TRAF1: variants seen among roughly 807,000 people sequenced by gnomAD.
TRAF1 encodes the protein TNF receptor-associated factor 1.
TRAF1 carries 23 observed loss-of-function variants against 40.9 expected under a neutral mutation model. The ratio of observed to expected loss-of-function variants is 0.56; its 90% confidence interval spans 0.40 to 0.80. The LOEUF (loss-of-function observed/expected upper bound fraction) is 0.80, where lower values mean the gene tolerates loss of function less well. TRAF1 is among the 30% of genes least tolerant of loss of function. The pLI is 0.00. For missense variants in TRAF1, 477 were observed against 528.7 expected (o/e 0.90, Z 0.96); for synonymous variants, 206 against 218.8 (o/e 0.94, Z 0.52).
Position 120,905,047 on chromosome 9 carries a change from G to A in TRAF1, c.1224C>T (p.Leu408=), listed in dbSNP as rs952204196. 2 of 1,614,214 alleles carry A rather than the reference G, an allele frequency of 1.2e-6. No individual in the cohort carries two copies. Among genetic ancestry groups the A allele is most frequent in the Non-Finnish European group, 1.7e-6 (2 of 1,180,032 alleles). ...HAYVKDDTMF[L]KCIVETST Reference sequence around the variant, plus strand: ...AAGTGCTGGTCTCCACAATGCACTTGAGGAACATTGTGTCGTCCTTCACGT... The same window carrying A: ...AAGTGCTGGTCTCCACAATGCACTTAAGGAACATTGTGTCGTCCTTCACGT... Residue 408 remains leucine, a synonymous_variant, in exon 8 of 8, where the codon CTC becomes CTT. Coordinates refer to ENST00000373887, the MANE Select transcript of TRAF1 (RefSeq NM_005658.5).
At chr9:120,908,263 G>A (rs1010637635) in intron 7 of TRAF1, among the ~76,000 whole-genome samples, 1 of 152,090 alleles carries the variant, frequency 6.6e-6, no homozygotes, top group African/African-American at 2.4e-5. Context: ...GTAAAAGACA[G>A]GATGGATTTA....
At chr9:120,906,612 A>G (rs1041835206) in intron 7 of TRAF1, among the ~76,000 whole-genome samples, 3 of 152,140 alleles carry the variant, frequency 2.0e-5, no homozygotes, top group African/African-American at 7.2e-5. Context: ...CATCCCCACC[A>G]GAGTGGTAGT....
rs1240786032 is a variant in TRAF1, at chr9:120,926,763, C to A, written c.-440G>T. On this transcript the variant is annotated 5_prime_UTR_variant, in exon 1 of 8. Coordinates refer to ENST00000373887, the MANE Select transcript of TRAF1 (RefSeq NM_005658.5). ...GACCCTATCTTGCCTGGGACTGAGG[C>A]AACCAGAAGGAGCAGGAAAGCCCTG... 6.6e-6 allele frequency: 1 copy of A among 152,130 alleles called. No individual in the cohort carries two copies. The highest frequency in any genetic ancestry group is 1.9e-4 in the East Asian group (1 of 5,192). 9.4% of individuals were successfully genotyped at this position (152,130 alleles called of 1,614,324 possible).
chr9:120,912,648 T>C (rs2046536559), intron 5 of TRAF1, among the ~76,000 whole-genome samples: 1 of 149,070 alleles, frequency 6.7e-6, no homozygotes, highest in African/African-American at 2.5e-5. Context: ...AGAGCAATAC[T>C]CTGTCTCAAA....
rs184529432 is a variant in TRAF1, at chr9:120,906,660, A to G, written c.1033-1422T>C. Among the ~76,000 whole-genome samples the G allele has an allele frequency of 2.0e-4, 30 of 152,274 alleles. No individual in the cohort carries two copies. The East Asian group carries it at 5.2e-3, about 26-fold the overall frequency. ...GATGAAGCTGCATTGACACATAATT[A>G]TCACCCAGAGTCCACAGTTTACATT... On this transcript the variant is annotated intron_variant, in intron 7 of 7. Coordinates refer to ENST00000373887, the MANE Select transcript of TRAF1 (RefSeq NM_005658.5).
At chr9:120,925,361 A>G (rs2046632267) in intron 2 of TRAF1, among the ~76,000 whole-genome samples, 1 of 152,346 alleles carries the variant, frequency 6.6e-6, no homozygotes, top group South Asian at 2.1e-4. Flanking sequence ...GATGTCCACA[A>G]TAGTACTGAT....
chr9:120,905,876 C>A (rs1445115506), intron 7 of TRAF1, among the ~76,000 whole-genome samples: 2 of 152,228 alleles, frequency 1.3e-5, no homozygotes, highest in Non-Finnish European at 2.9e-5. Context: ...ACTGAAGCAT[C>A]CTCACCCTGC....
chr9:120,906,779 T>C (rs757535371), intron 7 of TRAF1, among the ~76,000 whole-genome samples: 2 of 152,204 alleles, frequency 1.3e-5, no homozygotes, highest in Non-Finnish European at 2.9e-5. Context: ...ATAGTTTCAC[T>C]GCTCCCAAAA....
At chr9:120,912,740 T>C (rs2046537723) in intron 5 of TRAF1, among the ~76,000 whole-genome samples, 1 of 152,086 alleles carries the variant, frequency 6.6e-6, no homozygotes, top group African/African-American at 2.4e-5. Context: ...CCAAGAACTG[T>C]GGCCAAGTGG....
At chr9:120,910,206 G>A (rs187383790) in intron 6 of TRAF1, among the ~76,000 whole-genome samples, 11 of 152,266 alleles carry the variant, frequency 7.2e-5, no homozygotes, top group East Asian at 3.9e-4. Flanking sequence ...TGCCCATTAC[G>A]TTTTGGTAGA....
intron 7 of TRAF1, 82 bp downstream of exon 7, chr9:120,909,148 A>G (rs1383450309): frequency 1.3e-6 from 2 of 1,531,572 alleles, no homozygotes; most frequent in Non-Finnish European, 1.8e-6. Flanking sequence ...GCCAGGTCAC[A>G]TGGCCAATTC....
At chr9:120,914,992 T>C (rs1303984717) in intron 3 of TRAF1, among the ~76,000 whole-genome samples, 1 of 152,138 alleles carries the variant, frequency 6.6e-6, no homozygotes, top group East Asian at 1.9e-4. Context: ...TTTATTCCTA[T>C]TTTACTGATG....
chr9:120,905,959 C>T (rs1361021318), intron 7 of TRAF1, among the ~76,000 whole-genome samples: 1 of 151,128 alleles, frequency 6.6e-6, no homozygotes, highest in Non-Finnish European at 1.5e-5. Flanking sequence ...GATTCTGTCA[C>T]TGGTGTTTTA....
At chr9:120,911,636 GC>G in intron 5 of TRAF1, 123 bp from the exon 6 acceptor site, 2 of 1,162,708 alleles carry the variant, frequency 1.7e-6, no homozygotes, top group Non-Finnish European at 2.4e-6. Context: ...ACTCAGGTGT[GC>G]GTCTGCATCT....
rs368005857 is a variant in TRAF1 at position 120,913,411 on chromosome 9, C to T, written c.622G>A (p.Val208Met). ...GCCAGGGCCAGGTGGGAGGCCTCCA[C>T]CTCCTTGTTGAGGACAGCAACAATG... ...ENIVAVLNKEVEASHLALATS... is the reference protein window; with the variant it reads ...ENIVAVLNKEMEASHLALATS... The change falls in exon 5 of 8, where the codon GTG (valine) becomes ATG (methionine). Residue 208 changes from valine to methionine, a missense_variant. Physicochemically the swap from Val to Met is conservative, Grantham distance 21. Transcript: ENST00000373887. 3.1e-6 allele frequency: 5 copies of T among 1,613,844 alleles called. No individual in the cohort carries two copies. In the African/African-American group the frequency reaches 5.3e-5, roughly 17 times the overall value.
chr9:120,908,421 C>T (rs1281147358), intron 7 of TRAF1, among the ~76,000 whole-genome samples: 4 of 152,218 alleles, frequency 2.6e-5, no homozygotes, highest in South Asian at 2.1e-4. Flanking sequence ...TATTTATTCT[C>T]TTTCCAAACA....
At chr9:120,920,263 C>A (rs949931417) in intron 3 of TRAF1, among the ~76,000 whole-genome samples, 2 of 152,158 alleles carry the variant, frequency 1.3e-5, no homozygotes, top group Non-Finnish European at 2.9e-5. Flanking sequence ...GACAGACAGA[C>A]TTCAGCTCAG....
intron 7 of TRAF1, among the ~76,000 whole-genome samples, chr9:120,906,899 C>T (rs925884818): frequency 1.4e-4 from 21 of 152,140 alleles, no homozygotes; most frequent in African/African-American, 5.1e-4. Flanking sequence ...GACCAAGTCT[C>T]ACTCCGTCCC....
intron 3 of TRAF1, among the ~76,000 whole-genome samples, chr9:120,920,458 G>C (rs138365517): frequency 1.3e-5 from 2 of 151,240 alleles, no homozygotes; most frequent in African/African-American, 4.9e-5. Context: ...ACAAATTAAG[G>C]CTTTACTGTG....
Sources: gnomAD v4.1 joint callset for allele counts (sites outside exome capture counted in the v4.1 genomes callset) on GRCh38, gnomAD v4.1.1 for gene constraint, MANE v1.5 for transcripts, NCBI Gene and HGNC (gene_info 2026-07-23, HGNC 2026-07-21) for gene names.